SFMBT2: variants seen among roughly 807,000 people sequenced by gnomAD.
SFMBT2 encodes scm-like with four MBT domains protein 2.
Under a neutral mutation model 110.1 loss-of-function variants are expected in SFMBT2, and 38 were observed. The observed-to-expected ratio is 0.35, with a 90% CI of 0.27 to 0.45. The LOEUF (loss-of-function observed/expected upper bound fraction) is 0.45, where lower values mean the gene tolerates loss of function less well. Among genes scored for constraint, SFMBT2 ranks in the 20% least tolerant of loss-of-function variants. The pLI is 1.00. For missense variants in SFMBT2, 1,011 were observed against 1,094.9 expected, an observed-to-expected ratio of 0.92 and a Z score of 1.08; for synonymous variants, 425 against 425.4, an observed-to-expected ratio of 1.00 and a Z score of 0.01.
chr10:7,392,379 G>A (rs1013679682), intron 1 of SFMBT2, among the ~76,000 whole-genome samples: 2 of 152,144 alleles, frequency 1.3e-5, no homozygotes, highest in Non-Finnish European at 2.9e-5. Flanking sequence ...GCCAGGAGTG[G>A]TGGCACACAC....
At chr10:7,238,009 T>C (rs1174008177) in intron 9 of SFMBT2, among the ~76,000 whole-genome samples, 2 of 152,056 alleles carry the variant, frequency 1.3e-5, no homozygotes, top group South Asian at 2.1e-4. Flanking sequence ...AGTCGGGAGA[T>C]GACGCTGGAC....
At chr10:7,247,940 C>G (rs1160358914) in intron 8 of SFMBT2, among the ~76,000 whole-genome samples, 1 of 152,082 alleles carries the variant, frequency 6.6e-6, no homozygotes, top group African/African-American at 2.4e-5. Context: ...TTTTGAACTC[C>G]TGGGCTCAAG....
chr10:7,263,824 G>A (rs905260180), intron 7 of SFMBT2, among the ~76,000 whole-genome samples: 8 of 152,262 alleles, frequency 5.3e-5, no homozygotes, highest in Admixed American at 2.0e-4. Flanking sequence ...AGAAGCCCGC[G>A]TCTTCCTTAC....
chr10:7,284,246 C>T (rs1474765414), intron 5 of SFMBT2, 96 bp from the exon 6 acceptor site: 4 of 1,535,058 alleles, frequency 2.6e-6, no homozygotes, highest in Non-Finnish European at 3.5e-6. Context: ...TTCACACCAT[C>T]ATCCAAGGTA....
chr10:7,364,623 T>A, intron 4 of SFMBT2, among the ~76,000 whole-genome samples: 1 of 152,252 alleles, frequency 6.6e-6, no homozygotes, highest in Non-Finnish European at 1.5e-5. Flanking sequence ...TGAAACCATC[T>A]TACATCCTTT....
intron 1 of SFMBT2, among the ~76,000 whole-genome samples, chr10:7,389,352 C>A (rs1270898762): frequency 6.6e-6 from 1 of 151,946 alleles, no homozygotes; most frequent in African/African-American, 2.4e-5. Context: ...CCTAACCCCC[C>A]AAAAAGGCTA....
chr10:7,208,954 A>C (rs11592986), intron 11 of SFMBT2, among the ~76,000 whole-genome samples: 63,067 of 151,958 alleles, frequency 0.42, 13,528 homozygotes, highest in Middle Eastern at 0.57. Context: ...GGTTACAATT[A>C]TGCCTTCTCC....
chr10:7,315,100 GAAA>G (rs1842969906), intron 4 of SFMBT2, among the ~76,000 whole-genome samples: 1 of 144,706 alleles, frequency 6.9e-6, no homozygotes, highest in Non-Finnish European at 1.6e-5. Context: ...AAGAAAGAAA[GAAA>G]GAAAGAAAAA....
At chr10:7,317,202 G>T (rs1272621656) in intron 4 of SFMBT2, among the ~76,000 whole-genome samples, 1 of 151,984 alleles carries the variant, frequency 6.6e-6, no homozygotes, top group African/African-American at 2.4e-5. Context: ...AAATCCATGG[G>T]CAGGACCCAT....
chr10:7,206,295 C>G, intron 11 of SFMBT2: 1 of 985,410 alleles, frequency 1.0e-6, no homozygotes, highest in Non-Finnish European at 1.2e-6. Context: ...CTAAGAACAG[C>G]TCTGGGGTTA....
intron 9 of SFMBT2, among the ~76,000 whole-genome samples, chr10:7,231,009 A>G (rs949411325): frequency 7.9e-5 from 12 of 152,182 alleles, no homozygotes; most frequent in African/African-American, 2.7e-4. Flanking sequence ...GTCACATTCT[A>G]TGATTCAGAA....
In SFMBT2 at chr10:7,291,364, A is replaced by T. The variant is rs185250361; in HGVS notation, c.437-5410T>A. ...CAATTTTCTGAACTTACTTCCAATC[A>T]ATGCTTCTTTGAATTCATTCCATGG... On this transcript the variant is annotated intron_variant, in intron 4 of 20. Coordinates refer to ENST00000397167, the MANE Select transcript of SFMBT2 (RefSeq NM_001387889.1). Among the ~76,000 whole-genome samples, 199 of 152,254 alleles carry T rather than the reference A, an allele frequency of 1.3e-3. 2 individuals carry two copies. The highest frequency in any genetic ancestry group is 2.3e-3 in the Non-Finnish European group (159 of 68,008).
chr10:7,352,869 G>A (rs1245109551), intron 4 of SFMBT2, among the ~76,000 whole-genome samples: 1 of 152,116 alleles, frequency 6.6e-6, no homozygotes, highest in Non-Finnish European at 1.5e-5. Context: ...AAATTAGCCA[G>A]GCGTGATGGT....
At position 7,162,990 on chromosome 10, in the gene SFMBT2, C is replaced by G. The variant is rs1397542402; in HGVS notation, c.*780G>C. 1.3e-5 allele frequency: 2 copies of G among 152,724 alleles called. No homozygotes were observed. Among genetic ancestry groups the G allele is most frequent in the African/African-American group, 2.4e-5 (1 of 41,430 alleles). 9.5% of individuals were successfully genotyped at this position (152,724 alleles called of 1,614,324 possible). A position where few individuals can be genotyped will look rare whatever the true frequency, so the allele number is the denominator to read the frequency against. ...TGGTGGTGGGTGCCTGTAATCCCAG[C>G]TACTTGGGAGGCTGAGGCAGGAGAA... On this transcript the variant is annotated 3_prime_UTR_variant, in exon 21 of 21. Coordinates refer to ENST00000397167, the MANE Select transcript of SFMBT2 (RefSeq NM_001387889.1).
intron 3 of SFMBT2, among the ~76,000 whole-genome samples, chr10:7,368,972 A>G (rs888862430): frequency 6.6e-6 from 1 of 152,232 alleles, no homozygotes; most frequent in Non-Finnish European, 1.5e-5. Flanking sequence ...AATTTAATAA[A>G]AATCTTAAAT....
intron 4 of SFMBT2, among the ~76,000 whole-genome samples, chr10:7,288,049 A>G (rs1300918464): frequency 6.6e-6 from 1 of 152,254 alleles, no homozygotes; most frequent in Non-Finnish European, 1.5e-5. Flanking sequence ...CTAAATTATT[A>G]CATATATCTT....
At chr10:7,316,553 A>G (rs144990226) in intron 4 of SFMBT2, among the ~76,000 whole-genome samples, 1,610 of 152,312 alleles carry the variant, frequency 0.011, 15 homozygotes, top group Non-Finnish European at 0.015. Flanking sequence ...GAAGCCTGCG[A>G]CCTGGAGGAC....
chr10:7,204,334 G>A (rs1380213775), intron 12 of SFMBT2: 10 of 985,208 alleles, frequency 1.0e-5, no homozygotes, highest in African/African-American at 3.5e-5. Flanking sequence ...TTCCAGCAAC[G>A]TTGTGAGAGT....
chr10:7,227,834 G>A, intron 10 of SFMBT2, 21 bp downstream of exon 10: 2 of 1,585,584 alleles, frequency 1.3e-6, no homozygotes, highest in Non-Finnish European at 1.7e-6. Context: ...TTAAAAATTA[G>A]GTAAGAGAGA....
Sources: allele counts gnomAD v4.1 joint callset (sites outside exome capture counted in the v4.1 genomes callset), GRCh38; gene constraint gnomAD v4.1.1; transcripts MANE v1.5; gene names NCBI Gene and HGNC (gene_info 2026-07-23, HGNC 2026-07-21).